ZSWIM5: variants seen among roughly 807,000 people sequenced by gnomAD.
ZSWIM5 encodes zinc finger SWIM domain-containing protein 5.
A neutral mutation model predicts 119.6 loss-of-function variants in ZSWIM5; 55 were observed. The ratio of observed to expected loss-of-function variants is 0.46; its 90% CI spans 0.37 to 0.58. ZSWIM5 has a LOEUF of 0.58. Among genes scored for constraint, ZSWIM5 ranks in the 20% least tolerant of loss-of-function variants. ZSWIM5 has a pLI of 0.00. For missense variants in ZSWIM5, 1,193 were observed against 1,512.8 expected (o/e 0.79, Z 3.51); for synonymous variants, 537 against 606.9 (o/e 0.88, Z 1.69).
In ZSWIM5 at chr1:45,201,774, C is replaced by T. The variant is rs1219133031; in HGVS notation, c.595+3982G>A. ...AATTGATAAATCACCATTCGTCACA[C>T]AAAATAGATGGTTAAACACAGAAGA... On this transcript the variant is annotated intron_variant, in intron 1 of 13. Transcript: ENST00000359600. 2.6e-5 allele frequency among the ~76,000 whole-genome samples: 4 copies of T among 152,080 alleles called. No homozygotes were observed. The East Asian group carries it at 5.8e-4, about 22-fold the overall frequency.
intron 1 of ZSWIM5, among the ~76,000 whole-genome samples, chr1:45,119,968 C>G (rs1273680427): frequency 6.6e-6 from 1 of 152,196 alleles, no homozygotes; most frequent in Non-Finnish European, 1.5e-5. Context: ...TTTCATTTTA[C>G]CCAATGGCAA....
chr1:45,195,963 G>T (rs1557796182), intron 1 of ZSWIM5, among the ~76,000 whole-genome samples: 1 of 150,086 alleles, frequency 6.7e-6, no homozygotes, highest in Non-Finnish European at 1.5e-5. Context: ...AACCTCCCAG[G>T]CTCAAGCAAT....
chr1:45,129,127 T>G (rs1645638801), intron 1 of ZSWIM5, among the ~76,000 whole-genome samples: 1 of 151,818 alleles, frequency 6.6e-6, no homozygotes. Flanking sequence ...TCATCAGAGT[T>G]TTATACTTTT....
At chr1:45,020,857 G>T (rs1557738035) in intron 11 of ZSWIM5, 69 bp from the exon 12 acceptor site, 1 of 1,520,098 alleles carries the variant, frequency 6.6e-7, no homozygotes, top group Non-Finnish European at 9.0e-7. Flanking sequence ...GACTGCAATA[G>T]ATACTCATTG....
intron 5 of ZSWIM5, among the ~76,000 whole-genome samples, chr1:45,044,781 A>T (rs1292665703): frequency 9.9e-4 from 3 of 3,034 alleles, no homozygotes; most frequent in Admixed American, 6.2e-3. Flanking sequence ...ATATAAATAT[A>T]TATATATAAA....
chr1:45,156,580 T>A (rs1645828236), intron 1 of ZSWIM5, among the ~76,000 whole-genome samples: 1 of 151,840 alleles, frequency 6.6e-6, no homozygotes, highest in Non-Finnish European at 1.5e-5. Context: ...AGGACTTTGA[T>A]GGGAAAAGAG....
chr1:45,126,815 C>A (rs1396912012), intron 1 of ZSWIM5, among the ~76,000 whole-genome samples: 1 of 152,026 alleles, frequency 6.6e-6, no homozygotes, highest in Non-Finnish European at 1.5e-5. Flanking sequence ...GAGAACACTC[C>A]CCAAATCATT....
intron 1 of ZSWIM5, among the ~76,000 whole-genome samples, chr1:45,151,857 T>C (rs998830034): frequency 3.9e-5 from 6 of 152,184 alleles, no homozygotes; most frequent in Non-Finnish European, 7.4e-5. Flanking sequence ...GACGTGAGTT[T>C]TGACATACAT....
At chr1:45,181,756 A>G (rs1646021195) in intron 1 of ZSWIM5, among the ~76,000 whole-genome samples, 1 of 152,144 alleles carries the variant, frequency 6.6e-6, no homozygotes, top group Non-Finnish European at 1.5e-5. Context: ...TACAAGCCAG[A>G]AGAGAGTGGG....
At chr1:45,132,616 C>T (rs947530486) in intron 1 of ZSWIM5, among the ~76,000 whole-genome samples, 1 of 151,012 alleles carries the variant, frequency 6.6e-6, no homozygotes, top group African/African-American at 2.4e-5. Flanking sequence ...AATTTTTTTT[C>T]TTTTTTTTTA....
intron 1 of ZSWIM5, among the ~76,000 whole-genome samples, chr1:45,111,437 T>C (rs1330058853): frequency 1.3e-5 from 2 of 152,196 alleles, no homozygotes; most frequent in Non-Finnish European, 2.9e-5. Context: ...ATACACTGAG[T>C]GTATTAGTTT....
At chr1:45,198,741 G>C (rs978529995) in intron 1 of ZSWIM5, among the ~76,000 whole-genome samples, 2 of 152,112 alleles carry the variant, frequency 1.3e-5, no homozygotes, top group African/African-American at 4.8e-5. Context: ...TTTTTCTTCA[G>C]TCAATAATGT....
chr1:45,089,527 G>A (rs1224285378), intron 1 of ZSWIM5, among the ~76,000 whole-genome samples: 1 of 152,184 alleles, frequency 6.6e-6, no homozygotes, highest in African/African-American at 2.4e-5. Context: ...TGTAAACTGA[G>A]GTTCAGAAAG....
intron 5 of ZSWIM5, among the ~76,000 whole-genome samples, chr1:45,046,785 A>G (rs1645057700): frequency 6.6e-6 from 1 of 151,840 alleles, no homozygotes. Flanking sequence ...CAGCACTTTG[A>G]GAGGCAGAGG....
chr1:45,165,096 C>T (rs1358208007), intron 1 of ZSWIM5, among the ~76,000 whole-genome samples: 1 of 152,054 alleles, frequency 6.6e-6, no homozygotes, highest in Admixed American at 6.6e-5. Flanking sequence ...TGTAAAAGAA[C>T]AGAAATTATA....
chr1:45,055,837 T>C lies in ZSWIM5; in HGVS notation c.1252+2772A>G, dbSNP rs372884184. The stretch of plus-strand genomic sequence containing the variant: ...AGTTATGGAAACCAAGAGAAGAGTG[T>C]TTCAGAAAGAGTATGGGCATGTGGC... On this transcript the variant is annotated intron_variant, in intron 4 of 13. Coordinates refer to ENST00000359600, the MANE Select transcript of ZSWIM5 (RefSeq NM_020883.2). Among the ~76,000 whole-genome samples the C allele has an allele frequency of 3.0e-4, 46 of 152,272 alleles. No individual in the cohort carries two copies. In the East Asian group the frequency reaches 8.1e-3, roughly 27 times the overall value.
chr1:45,053,033 G>A (rs1217059584), intron 4 of ZSWIM5, among the ~76,000 whole-genome samples: 1 of 150,236 alleles, frequency 6.7e-6, no homozygotes, highest in African/African-American at 2.5e-5. Context: ...TGTGGTAGGA[G>A]AATCGGTTGA....
intron 1 of ZSWIM5, among the ~76,000 whole-genome samples, chr1:45,165,365 G>C (rs1161915744): frequency 1.3e-5 from 2 of 152,084 alleles, no homozygotes; most frequent in African/African-American, 4.8e-5. Context: ...GAGAAAGCAG[G>C]AAAGATCTAA....
At chr1:45,168,713 A>T (rs1297481497) in intron 1 of ZSWIM5, among the ~76,000 whole-genome samples, 1 of 150,354 alleles carries the variant, frequency 6.7e-6, no homozygotes, top group Non-Finnish European at 1.5e-5. Context: ...TTTTTCCTAC[A>T]TGGGAGTTTT....
Sources: allele counts gnomAD v4.1 joint callset (sites outside exome capture counted in the v4.1 genomes callset), GRCh38; gene constraint gnomAD v4.1.1; transcripts MANE v1.5; gene names NCBI Gene and HGNC (gene_info 2026-07-23, HGNC 2026-07-21).